Variants in TBC1D19 observed in about 807,000 individuals in gnomAD.
The protein encoded by TBC1D19 is TBC1 domain family member 19.
A neutral mutation model predicts 89.0 loss-of-function variants in TBC1D19; 60 were observed. The ratio of observed to expected loss-of-function variants is 0.67; its 90% confidence interval spans 0.55 to 0.84. TBC1D19 has a LOEUF of 0.84. Among genes scored for constraint, TBC1D19 ranks in the 40% least tolerant of loss-of-function variants. TBC1D19 has a pLI of 0.00. For missense variants in TBC1D19, 500 were observed against 610.8 expected (o/e 0.82, Z 1.91); for synonymous variants, 189 against 199.7 (o/e 0.95, Z 0.45).
intron 13 of TBC1D19, among the ~76,000 whole-genome samples, chr4:26,714,943 T>G (rs976506040): frequency 1.3e-5 from 2 of 152,010 alleles, no homozygotes; most frequent in Non-Finnish European, 2.9e-5. Context: ...GTTCCTTCTC[T>G]TTTCTCCAAT....
chr4:26,726,637 A>T (rs907462582), intron 15 of TBC1D19, among the ~76,000 whole-genome samples: 3 of 152,226 alleles, frequency 2.0e-5, no homozygotes, highest in African/African-American at 7.2e-5. Context: ...CTCTATTCTT[A>T]CTGACCTGTA....
chr4:26,614,371 G>C (rs771688768), intron 2 of TBC1D19, 37 bp from the exon 3 acceptor site: 7 of 1,357,976 alleles, frequency 5.2e-6, no homozygotes, highest in Non-Finnish European at 7.2e-6. Flanking sequence ...TTAAAAACTA[G>C]TATGTTCATA....
chr4:26,658,384 A>C (rs1297349337), intron 7 of TBC1D19, among the ~76,000 whole-genome samples: 2 of 152,292 alleles, frequency 1.3e-5, no homozygotes, highest in South Asian at 4.1e-4. Flanking sequence ...TTTGTCAAAG[A>C]TCAGATGGTT....
intron 4 of TBC1D19, 72 bp downstream of exon 4, chr4:26,620,760 G>T: frequency 7.6e-7 from 1 of 1,317,778 alleles, no homozygotes; most frequent in Non-Finnish European, 1.1e-6. Context: ...GATCATTACT[G>T]ATGTCAGGAG....
chr4:26,731,118 T>G (rs1178359100), intron 15 of TBC1D19, among the ~76,000 whole-genome samples: 4 of 152,136 alleles, frequency 2.6e-5, no homozygotes, highest in Non-Finnish European at 4.4e-5. Context: ...TTGCACAGTG[T>G]GTAGGAGTAG....
chr4:26,691,165 T>G (rs547306582), intron 13 of TBC1D19, among the ~76,000 whole-genome samples: 1 of 152,306 alleles, frequency 6.6e-6, no homozygotes, highest in East Asian at 1.9e-4. Flanking sequence ...CCTCAATATG[T>G]GACTGAATTG....
chr4:26,784,061 T>C, the TBC1D19 span, among the ~76,000 whole-genome samples: 1 of 152,340 alleles, frequency 6.6e-6, no homozygotes, highest in Non-Finnish European at 1.5e-5. Context: ...CCCTGTGTAC[T>C]AATCTTGTTG....
chr4:26,577,004 C>A (rs1160617323), intron 1 of TBC1D19, among the ~76,000 whole-genome samples: 1 of 152,140 alleles, frequency 6.6e-6, no homozygotes, highest in Non-Finnish European at 1.5e-5. Flanking sequence ...AGTAAAACAA[C>A]CCTCCATAAT....
At chr4:26,713,137 C>A (rs1560491483) in intron 13 of TBC1D19, among the ~76,000 whole-genome samples, 1 of 151,186 alleles carries the variant, frequency 6.6e-6, no homozygotes, top group Non-Finnish European at 1.5e-5. Flanking sequence ...ATTAATAGGT[C>A]AAAAAAAATT....
At chr4:26,691,094 A>G (rs2109167437) in intron 13 of TBC1D19, among the ~76,000 whole-genome samples, 1 of 152,320 alleles carries the variant, frequency 6.6e-6, no homozygotes, top group Middle Eastern at 3.4e-3. Context: ...TCAAGACTTC[A>G]GTGGAGGAAG....
chr4:26,696,972 T>C (rs1279871944), intron 13 of TBC1D19, among the ~76,000 whole-genome samples: 1 of 151,874 alleles, frequency 6.6e-6, no homozygotes, highest in Non-Finnish European at 1.5e-5. Context: ...AGCAAACACA[T>C]TCAAAAGCTA....
the TBC1D19 span, among the ~76,000 whole-genome samples, chr4:26,795,457 C>T: frequency 7.2e-5 from 11 of 152,294 alleles, no homozygotes; most frequent in African/African-American, 1.9e-4. Context: ...TTCACTCTAA[C>T]GTAAGCTCTG....
chr4:26,583,524 G>A (rs186234589), upstream of TBC1D19, among the ~76,000 whole-genome samples: 6 of 152,276 alleles, frequency 3.9e-5, no homozygotes, highest in Admixed American at 3.9e-4. Flanking sequence ...AATGCCTGTT[G>A]GTTAATTTGT....
At chr4:26,765,284 T>A in the TBC1D19 span, among the ~76,000 whole-genome samples, 1 of 152,108 alleles carries the variant, frequency 6.6e-6, no homozygotes, top group African/African-American at 2.4e-5. Flanking sequence ...TGAAGCACTT[T>A]CGGGGAGGAG....
the TBC1D19 span, among the ~76,000 whole-genome samples, chr4:26,774,750 GT>G: frequency 6.6e-6 from 1 of 152,262 alleles, no homozygotes; most frequent in East Asian, 1.9e-4. Flanking sequence ...GATAAAGGCA[GT>G]TTTACTGCTT....
chr4:26,762,946 C>T, the TBC1D19 span, among the ~76,000 whole-genome samples: 3 of 152,080 alleles, frequency 2.0e-5, no homozygotes, highest in Non-Finnish European at 4.4e-5. Flanking sequence ...CTTTTGACCT[C>T]CAGAACTGTA....
chr4:26,579,547 G>T (rs1341150936), upstream of TBC1D19, among the ~76,000 whole-genome samples: 1 of 150,786 alleles, frequency 6.6e-6, no homozygotes, highest in Non-Finnish European at 1.5e-5. Context: ...GAATGTTCAG[G>T]TTTGTTGCAT....
At chr4:26,779,480 T>C in the TBC1D19 span, among the ~76,000 whole-genome samples, 1 of 152,210 alleles carries the variant, frequency 6.6e-6, no homozygotes, top group Non-Finnish European at 1.5e-5. Flanking sequence ...TTTTTTCTCA[T>C]TGCCTGTGCC....
intron 13 of TBC1D19, among the ~76,000 whole-genome samples, chr4:26,716,512 C>G (rs1325251662): frequency 6.6e-6 from 1 of 152,162 alleles, no homozygotes; most frequent in South Asian, 2.1e-4. Context: ...TAAATTCACT[C>G]TAGTGTTGTT....
Sources: allele counts gnomAD v4.1 joint callset (sites outside exome capture counted in the v4.1 genomes callset), GRCh38; gene constraint gnomAD v4.1.1; transcripts MANE v1.5; gene names NCBI Gene and HGNC (gene_info 2026-07-23, HGNC 2026-07-21).